Variants in TRMT10B observed in about 807,000 individuals in gnomAD.
TRMT10B encodes the protein tRNA methyltransferase 10B.
A neutral mutation model predicts 43.8 loss-of-function variants in TRMT10B; 33 were observed. The ratio of observed to expected loss-of-function variants is 0.75; its 90% CI spans 0.57 to 1.01. TRMT10B has a LOEUF of 1.01. Ranked by LOEUF, TRMT10B falls within the 50% of genes least tolerant of loss-of-function variation. The probability of loss-of-function intolerance (pLI) is 0.00; values close to 1 mark genes in which losing one functional copy is unlikely to be tolerated. For missense variants in TRMT10B, 362 were observed against 369.8 expected (o/e 0.98, Z 0.17); for synonymous variants, 137 against 130.6 (o/e 1.05, Z -0.34).
chr9:37,763,159 A>AAAAAC (rs1554676670), intron 3 of TRMT10B, among the ~76,000 whole-genome samples: 14,328 of 142,866 alleles, frequency 0.1, 774 homozygotes, highest in South Asian at 0.15. Context: ...AAAAAAAAAA[A>AAAAAC]AAAAAACAAA....
In TRMT10B at chr9:37,762,135, C is replaced by G; in HGVS notation, c.186+18C>G. 6.2e-7 allele frequency: 1 copy of G among 1,605,574 alleles called. No individual in the cohort carries two copies. The highest frequency in any genetic ancestry group is 1.1e-5 in the South Asian group (1 of 90,232). ...GGTGCTCGGTGAGTGCGTGAATTGC[C>G]TGGCCATAGGCCTTGAATGATGGAA... On this transcript the variant is annotated intron_variant, in intron 2 of 8. Transcript: ENST00000297994.
chr9:37,777,194 CAAAAAAAAAAAAAAAAAAAAAAAA>C (rs11306620), intron 8 of TRMT10B, among the ~76,000 whole-genome samples: 1 of 29,966 alleles, frequency 3.3e-5, no homozygotes, highest in Non-Finnish European at 5.6e-5. Context: ...AACTCCGCCT[CAAAAAAAAAAAAAAAAAAAAAAAA>C]AAAAAAAAAA....
chr9:37,767,676 C>A (rs1827140855), intron 4 of TRMT10B, among the ~76,000 whole-genome samples: 1 of 151,938 alleles, frequency 6.6e-6, no homozygotes, highest in Non-Finnish European at 1.5e-5. Flanking sequence ...AAACTTCCAA[C>A]CCTATTGCAT....
At chr9:37,771,738 C>T (rs1203214548) in intron 7 of TRMT10B, among the ~76,000 whole-genome samples, 1 of 152,188 alleles carries the variant, frequency 6.6e-6, no homozygotes, top group Non-Finnish European at 1.5e-5. Flanking sequence ...TATCACCCTA[C>T]AGATAACAAA....
intron 1 of TRMT10B, among the ~76,000 whole-genome samples, chr9:37,759,749 G>T (rs938227442): frequency 6.6e-6 from 1 of 152,138 alleles, no homozygotes; most frequent in Non-Finnish European, 1.5e-5. Flanking sequence ...CTCAGGAGGC[G>T]GAGGTTCCAG....
rs1828454974 is a variant in TRMT10B, at chr9:37,778,867, T to A, written c.*1160T>A. 6.6e-6 allele frequency: 1 copy of A among 152,152 alleles called. No individual in the cohort carries two copies. Among genetic ancestry groups the A allele is most frequent in the Admixed American group, 6.5e-5 (1 of 15,278 alleles). The allele number at this position is 152,152 out of a possible 1,614,324, so 9.4% of individuals were successfully genotyped here. On this transcript the variant is annotated 3_prime_UTR_variant, in exon 9 of 9. Coordinates refer to ENST00000297994, the MANE Select transcript of TRMT10B (RefSeq NM_144964.4). ...TTCCTAATCCTTCCTAATGGTAGGA[T>A]CCTAACAGGACAAATCTGTGTACCT...
At chr9:37,753,990 G>A (rs1825291482) in intron 1 of TRMT10B, 138 bp downstream of exon 1, 1 of 152,386 alleles carries the variant, frequency 6.6e-6, no homozygotes, top group Non-Finnish European at 1.5e-5. Flanking sequence ...CCACCTTCCT[G>A]ATACTTTCCC....
Position 37,762,086 on chromosome 9 carries a change from T to C in TRMT10B, c.155T>C (p.Ile52Thr), listed in dbSNP as rs1826401233. 1 of 1,613,892 alleles carries C rather than the reference T, an allele frequency of 6.2e-7. No individual in the cohort carries two copies. The highest frequency in any genetic ancestry group is 1.3e-5 in the African/African-American group (1 of 74,914). Residue 52 changes from isoleucine to threonine, a missense_variant, in exon 2 of 9, where the codon ATC (isoleucine) becomes ACC (threonine). Transcript: ENST00000297994. ...DAEGECQEGE[I>T]LATGSTAWCS... ...GAAGGCGAGTGCCAGGAGGGAGAGA[T>C]CCTGGCCACAGGCAGTACGGCATGG...
chr9:37,755,385 T>C (rs375627466), intron 1 of TRMT10B, among the ~76,000 whole-genome samples: 39 of 151,980 alleles, frequency 2.6e-4, no homozygotes, highest in Middle Eastern at 6.8e-3. Flanking sequence ...TGTTTTTAAC[T>C]GCACATTTAC....
chr9:37,756,798 A>G (rs191586962), intron 1 of TRMT10B, among the ~76,000 whole-genome samples: 71 of 129,328 alleles, frequency 5.5e-4, no homozygotes, highest in African/African-American at 7.6e-4. Context: ...ATACATGTGT[A>G]TGTGTATATA....
At chr9:37,771,974 G>C (rs1827637035) in intron 7 of TRMT10B, among the ~76,000 whole-genome samples, 1 of 151,890 alleles carries the variant, frequency 6.6e-6, no homozygotes, top group Admixed American at 6.6e-5. Context: ...CTTCTGAGTA[G>C]CTAGGACTAC....
rs916534210 is a variant in TRMT10B at position 37,761,945 on chromosome 9, T to G, written c.14T>G (p.Leu5Trp). ...AGGACTAAGTCCATGGACTGGAAAT[T>G]GGAAGGGAGTACTCAGAAAGTAGAG... Reference protein sequence around the residue: MDWKLEGSTQKVESP... With the variant: MDWKWEGSTQKVESP... The change falls in exon 2 of 9, where the codon TTG (leucine) becomes TGG (tryptophan). Residue 5 changes from leucine to tryptophan, a missense_variant. Transcript: ENST00000297994. The G allele has an allele frequency of 6.2e-7, 1 of 1,613,072 alleles. No individual in the cohort carries two copies. Among genetic ancestry groups the G allele is most frequent in the East Asian group, 2.2e-5 (1 of 44,860 alleles).
At chr9:37,760,198 C>G (rs894551925) in intron 1 of TRMT10B, among the ~76,000 whole-genome samples, 2 of 152,224 alleles carry the variant, frequency 1.3e-5, no homozygotes, top group African/African-American at 4.8e-5. Flanking sequence ...TGGCTGGCGC[C>G]TGTAATCCCA....
chr9:37,778,690 C>G lies in TRMT10B; in HGVS notation c.*983C>G, dbSNP rs1249184187. 1 of 152,208 alleles carries G rather than the reference C, an allele frequency of 6.6e-6. No individual in the cohort carries two copies. The highest frequency in any genetic ancestry group is 1.5e-5 in the Non-Finnish European group (1 of 68,056). The allele number at this position is 152,208 out of a possible 1,614,324, so 9.4% of individuals were successfully genotyped here. A position where few individuals can be genotyped will look rare whatever the true frequency, so the allele number is the denominator to read the frequency against. On this transcript the variant is annotated 3_prime_UTR_variant, in exon 9 of 9. Coordinates refer to ENST00000297994, the MANE Select transcript of TRMT10B (RefSeq NM_144964.4). ...ATTGTATGACTTTCTCCAGCCTTGT[C>G]TGATCATGCTCGTTGTTGCCCAGCT...
Position 37,760,910 on chromosome 9 carries a change from G to A in TRMT10B, c.-29-993G>A, listed in dbSNP as rs530206811. Among the ~76,000 whole-genome samples the A allele has an allele frequency of 7.2e-5, 11 of 152,228 alleles. No homozygotes were observed. The South Asian group carries it at 1.5e-3, about 20-fold the overall frequency. On this transcript the variant is annotated intron_variant, in intron 1 of 8. Coordinates refer to ENST00000297994, the MANE Select transcript of TRMT10B (RefSeq NM_144964.4). ...GACTAAAGCATTTCTGACTCATATC[G>A]TTCAGATTTTGAACTCCACTTTGAA...
chr9:37,770,813 A>G (rs1227034358), intron 7 of TRMT10B, 74 bp downstream of exon 7: 3 of 1,503,542 alleles, frequency 2.0e-6, no homozygotes, highest in African/African-American at 1.4e-5. Flanking sequence ...GCCCTGTTAT[A>G]GTCTCCTCTA....
At chr9:37,759,620 C>G (rs1826114113) in intron 1 of TRMT10B, among the ~76,000 whole-genome samples, 1 of 152,166 alleles carries the variant, frequency 6.6e-6, no homozygotes, top group Non-Finnish European at 1.5e-5. Flanking sequence ...GAGTTCGAGA[C>G]CAGCCTGGTC....
At chr9:37,771,757 T>C (rs1349729642) in intron 7 of TRMT10B, among the ~76,000 whole-genome samples, 1 of 152,238 alleles carries the variant, frequency 6.6e-6, no homozygotes, top group Non-Finnish European at 1.5e-5. Flanking sequence ...AAGGCAAAGA[T>C]TTAACATTAC....
At chr9:37,756,694 G>A (rs1239751407) in intron 1 of TRMT10B, among the ~76,000 whole-genome samples, 1 of 151,806 alleles carries the variant, frequency 6.6e-6, no homozygotes, top group Non-Finnish European at 1.5e-5. Context: ...GCTCCAGCCT[G>A]GGTGACAGAG....
Sources: allele counts gnomAD v4.1 joint callset (sites outside exome capture counted in the v4.1 genomes callset), GRCh38; gene constraint gnomAD v4.1.1; transcripts MANE v1.5; gene names NCBI Gene and HGNC (gene_info 2026-07-23, HGNC 2026-07-21).